The following PTPRN2 variants were observed in gnomAD, a reference collection of about 807,000 sequenced individuals.
The protein encoded by PTPRN2 is protein tyrosine phosphatase receptor type N2, also known as receptor-type tyrosine-protein phosphatase N2.
PTPRN2 carries 74 observed loss-of-function variants against 118.8 expected under a neutral mutation model. The ratio of observed to expected loss-of-function variants is 0.62; its 90% confidence interval spans 0.52 to 0.76. The LOEUF (loss-of-function observed/expected upper bound fraction) is 0.76, where lower values mean the gene tolerates loss of function less well. Ranked by LOEUF, PTPRN2 falls within the 30% of genes least tolerant of loss-of-function variation. PTPRN2 has a pLI of 0.00. For synonymous variants in PTPRN2, 641 were observed against 608.0 expected (o/e 1.05, Z -0.80); for missense variants, 1,481 against 1,394.4 (o/e 1.06, Z -0.99).
rs1222807721 is a variant in PTPRN2, at chr7:158,062,037, C to T, written c.1723+19261G>A. 7.2e-5 allele frequency among the ~76,000 whole-genome samples: 11 copies of T among 152,264 alleles called. No individual in the cohort carries two copies. The South Asian group carries it at 1.0e-3, about 14-fold the overall frequency. ...CTGCTGTCAGAGCAACCTCATTCCA[C>T]GGGGTGAGCATCTCGCACCTTGGTG... is the stretch of plus-strand genomic sequence containing the variant. On this transcript the variant is annotated intron_variant, in intron 11 of 22. Coordinates refer to ENST00000389418, the MANE Select transcript of PTPRN2 (RefSeq NM_002847.5).
intron 11 of PTPRN2, among the ~76,000 whole-genome samples, chr7:157,931,697 C>T (rs1006891482): frequency 3.3e-5 from 5 of 151,990 alleles, no homozygotes; most frequent in East Asian, 1.9e-4. Context: ...AGTGAGTTAC[C>T]GAGACAGTTA....
intron 2 of PTPRN2, among the ~76,000 whole-genome samples, chr7:158,358,117 A>G (rs1436463942): frequency 6.6e-6 from 1 of 152,236 alleles, no homozygotes; most frequent in Non-Finnish European, 1.5e-5. Context: ...GGACAGTGGG[A>G]ACAGCAGCCC....
intron 5 of PTPRN2, among the ~76,000 whole-genome samples, chr7:158,183,688 C>A (rs1824906716): frequency 6.6e-6 from 1 of 152,202 alleles, no homozygotes; most frequent in Non-Finnish European, 1.5e-5. Flanking sequence ...AAGGTCCCGC[C>A]CCCATGGGCT....
intron 11 of PTPRN2, among the ~76,000 whole-genome samples, chr7:157,995,846 G>A (rs1804682866): frequency 6.6e-6 from 1 of 152,236 alleles, no homozygotes; most frequent in African/African-American, 2.4e-5. Flanking sequence ...AATGCACACT[G>A]GAACGATAGC....
intron 15 of PTPRN2, among the ~76,000 whole-genome samples, chr7:157,620,431 T>G (rs1367299362): frequency 6.6e-6 from 1 of 152,156 alleles, no homozygotes; most frequent in East Asian, 1.9e-4. Flanking sequence ...AGCTAGGTAG[T>G]AGGTGCTCAG....
chr7:157,658,463 C>T (rs533069914), intron 13 of PTPRN2, among the ~76,000 whole-genome samples: 2 of 152,330 alleles, frequency 1.3e-5, no homozygotes, highest in South Asian at 4.1e-4. Flanking sequence ...TGAGGGATCA[C>T]TGCAGGGTCT....
Position 157,587,132 on chromosome 7 carries a change from T to TACACAGGCAGGCAGACAGGC in PTPRN2, c.2496+8086_2496+8105dup, listed in dbSNP as rs1800718635. On this transcript the variant is annotated intron_variant, in intron 17 of 22. Transcript: ENST00000389418. This position sits in a 1 kb window ranked among gnomAD's most constrained non-coding sequence, Gnocchi z 5.3. ...GTAGCTGACACAGCAGACAGGCAGATACACAGGCAGGCAGACAGGCAGACA... is the reference window on the plus strand; with the variant it reads ...GTAGCTGACACAGCAGACAGGCAGATACACAGGCAGGCAGACAGGCACACAGGCAGGCAGACAGGCAGACA... 1.4e-5 allele frequency among the ~76,000 whole-genome samples: 2 copies of TACACAGGCAGGCAGACAGGC among 139,462 alleles called. No homozygotes were observed. Among genetic ancestry groups the TACACAGGCAGGCAGACAGGC allele is most frequent in the African/African-American group, 2.5e-5 (1 of 40,626 alleles). 91.5% of individuals were successfully genotyped at this position (139,462 alleles called of 152,430 possible).
In PTPRN2 at chr7:157,900,714, C is replaced by T. The variant is rs112322762; in HGVS notation, c.1724-1977G>A. On this transcript the variant is annotated intron_variant, in intron 11 of 22. Transcript: ENST00000389418. The stretch of plus-strand genomic sequence containing the variant: ...CTCAGGCCCTACATGTGCTCAGGGG[C>T]ACCCCCTCCCTCAACATCCTCAGCA... Among the ~76,000 whole-genome samples, 589 of 152,338 alleles carry T rather than the reference C, an allele frequency of 3.9e-3. 3 individuals are homozygous for T. Among genetic ancestry groups the T allele is most frequent in the African/African-American group, 0.013 (551 of 41,576 alleles).
chr7:158,555,537 G>A lies in PTPRN2; in HGVS notation c.112+32021C>T, dbSNP rs544789213. ...ACAGGGGCAGTCCTGCTGCCCTTTC[G>A]TTCTCTCCCATTGTGCCCTTGGCAG... On this transcript the variant is annotated intron_variant, in intron 1 of 22. Coordinates refer to ENST00000389418, the MANE Select transcript of PTPRN2 (RefSeq NM_002847.5). This position sits in a 1 kb window ranked among gnomAD's most constrained non-coding sequence, Gnocchi z 4.7. Among the ~76,000 whole-genome samples the A allele has an allele frequency of 7.9e-5, 12 of 152,300 alleles. No individual in the cohort carries two copies. Among genetic ancestry groups the A allele is most frequent in the Middle Eastern group, 3.4e-3 (1 of 294 alleles).
At chr7:158,246,780 C>G (rs865862801) in intron 3 of PTPRN2, among the ~76,000 whole-genome samples, 1 of 151,972 alleles carries the variant, frequency 6.6e-6, no homozygotes, top group East Asian at 1.9e-4. Flanking sequence ...GTCCCCCAGG[C>G]GTGTGCTTCC....
intron 11 of PTPRN2, among the ~76,000 whole-genome samples, chr7:157,925,195 G>A: frequency 6.7e-6 from 1 of 148,238 alleles, no homozygotes; most frequent in South Asian, 2.2e-4. Flanking sequence ...GCAGGCACCT[G>A]CATTTAGCAC....
intron 13 of PTPRN2, among the ~76,000 whole-genome samples, chr7:157,662,409 G>A (rs546750153): frequency 6.6e-6 from 1 of 152,210 alleles, no homozygotes; most frequent in Non-Finnish European, 1.5e-5. Flanking sequence ...GACTCGCCGG[G>A]CCCTGACCCC....
intron 11 of PTPRN2, among the ~76,000 whole-genome samples, chr7:157,950,539 G>C (rs1324254947): frequency 6.6e-6 from 1 of 152,146 alleles, no homozygotes; most frequent in Non-Finnish European, 1.5e-5. Context: ...GATATGTAAT[G>C]GGTTATTTTT....
At chr7:157,595,494 T>A (rs151336512) in intron 16 of PTPRN2, among the ~76,000 whole-genome samples, 179 bp from the exon 17 acceptor site, 4,963 of 128,882 alleles carry the variant, frequency 0.039, 258 homozygotes, top group East Asian at 0.16. Context: ...TTAGGAAGCC[T>A]GGTGTTTAGG....
At chr7:157,897,611 A>G (rs1439051607) in intron 12 of PTPRN2, among the ~76,000 whole-genome samples, 1 of 152,118 alleles carries the variant, frequency 6.6e-6, no homozygotes, top group Non-Finnish European at 1.5e-5. Context: ...CCGTCATTTA[A>G]CCCAGACGCA....
intron 12 of PTPRN2, among the ~76,000 whole-genome samples, chr7:157,887,383 A>T (rs1393603889): frequency 6.6e-6 from 1 of 151,644 alleles, no homozygotes; most frequent in East Asian, 1.9e-4. Context: ...CAGTGCAGGA[A>T]ATGACAAAAG....
intron 12 of PTPRN2, among the ~76,000 whole-genome samples, chr7:157,892,854 T>C (rs1230712335): frequency 6.6e-6 from 1 of 152,134 alleles, no homozygotes; most frequent in Non-Finnish European, 1.5e-5. Context: ...AGAGCTCCCA[T>C]TCCAGGTGAA....
chr7:157,812,560 G>A (rs1248496412), intron 12 of PTPRN2, among the ~76,000 whole-genome samples: 1 of 152,188 alleles, frequency 6.6e-6, no homozygotes, highest in East Asian at 1.9e-4. Flanking sequence ...TTTCTTAATG[G>A]TGAAAAGAAA....
At chr7:158,548,776 G>A (rs990392667) in intron 1 of PTPRN2, among the ~76,000 whole-genome samples, 4 of 152,202 alleles carry the variant, frequency 2.6e-5, no homozygotes, top group Non-Finnish European at 2.9e-5. Flanking sequence ...GAACCCAGGC[G>A]GCCTCTAGAG....
Sources: allele counts gnomAD v4.1 joint callset (sites outside exome capture counted in the v4.1 genomes callset), GRCh38; gene constraint gnomAD v4.1.1; non-coding constraint Gnocchi (gnomAD v3.1); transcripts MANE v1.5; gene names NCBI Gene and HGNC (gene_info 2026-07-23, HGNC 2026-07-21).